The following AKT3 variants were observed in gnomAD, a reference collection of about 807,000 sequenced individuals.
AKT3 encodes the protein AKT serine/threonine kinase 3.
A neutral mutation model predicts 65.3 loss-of-function variants in AKT3; 15 were observed. The observed-to-expected ratio is 0.23, with a 90% CI of 0.15 to 0.35. The LOEUF is 0.35. Ranked by LOEUF, AKT3 falls within the 10% of genes least tolerant of loss-of-function variation. AKT3 has a pLI of 1.00. For missense variants in AKT3, 243 were observed against 576.5 expected (o/e 0.42, Z 5.92); for synonymous variants, 206 against 183.8 (o/e 1.12, Z -0.98).
chr1:243,633,918 G>C (rs1679789621), intron 6 of AKT3, among the ~76,000 whole-genome samples: 1 of 152,052 alleles, frequency 6.6e-6, no homozygotes, highest in South Asian at 2.1e-4. Flanking sequence ...AAAAGTGAAA[G>C]AGAAAAAATT....
intron 5 of AKT3, among the ~76,000 whole-genome samples, chr1:243,639,327 A>T (rs2147818116): frequency 6.6e-6 from 1 of 152,330 alleles, no homozygotes; most frequent in South Asian, 2.1e-4. Flanking sequence ...CACCAATTTT[A>T]TACAAATTCT....
chr1:243,731,196 A>G (rs1169475451), intron 2 of AKT3, among the ~76,000 whole-genome samples: 1 of 152,230 alleles, frequency 6.6e-6, no homozygotes, highest in Non-Finnish European at 1.5e-5. Context: ...CCACATGCCA[A>G]AATGAAAGCA....
rs143112426 is a variant in AKT3, at chr1:243,516,020, C to A, written c.1252-3594G>T. 2.8e-3 allele frequency among the ~76,000 whole-genome samples: 421 copies of A among 152,150 alleles called. 5 individuals are homozygous for A. The highest frequency in any genetic ancestry group is 9.5e-3 in the African/African-American group (393 of 41,502). On this transcript the variant is annotated intron_variant, in intron 12 of 13. Coordinates refer to ENST00000673466, the MANE Select transcript of AKT3 (RefSeq NM_005465.7). ...CTTGCATATTGATATCAAGTTAATACCTGCCTCACAGAATGAACTGAGAAA... is the reference window on the plus strand; with the variant it reads ...CTTGCATATTGATATCAAGTTAATAACTGCCTCACAGAATGAACTGAGAAA...
At chr1:243,850,005 G>T (rs1048993645) in intron 1 of AKT3, 35 bp downstream of exon 1, 1 of 984,034 alleles carries the variant, frequency 1.0e-6, no homozygotes, top group Non-Finnish European at 1.2e-6. Flanking sequence ...AGGCCAGGCG[G>T]GGAGGGGGCT....
intron 6 of AKT3, among the ~76,000 whole-genome samples, chr1:243,627,849 T>C (rs1004938054): frequency 1.3e-5 from 2 of 152,170 alleles, no homozygotes; most frequent in Non-Finnish European, 2.9e-5. Flanking sequence ...TGGGGACTAG[T>C]GCTAAATCCA....
At chr1:243,791,337 A>G (rs1691618203) in intron 2 of AKT3, among the ~76,000 whole-genome samples, 1 of 151,718 alleles carries the variant, frequency 6.6e-6, no homozygotes, top group African/African-American at 2.4e-5. Flanking sequence ...AGAACCACAG[A>G]TGCAGAACCC....
intron 2 of AKT3, among the ~76,000 whole-genome samples, chr1:243,820,055 A>G (rs577009603): frequency 6.6e-6 from 1 of 152,290 alleles, no homozygotes; most frequent in South Asian, 2.1e-4. Flanking sequence ...AGTAGCTGGG[A>G]CTACAGGCGC....
intron 2 of AKT3, among the ~76,000 whole-genome samples, chr1:243,726,513 T>C (rs1411502844): frequency 6.6e-6 from 1 of 152,240 alleles, no homozygotes; most frequent in Non-Finnish European, 1.5e-5. Flanking sequence ...TTTCTATAAC[T>C]TACAACAGGT....
At chr1:243,495,715 G>A (rs532863409), downstream of AKT3, among the ~76,000 whole-genome samples, 15 of 152,316 alleles carry the variant, frequency 9.8e-5, no homozygotes, top group East Asian at 7.7e-4. Context: ...GGTCCTGCTC[G>A]AAGGCCGCGT....
In AKT3 at chr1:243,502,427, G is replaced by A. The variant is rs1219071394; in HGVS notation, c.*2822C>T. 1 of 233,032 alleles carries A rather than the reference G, an allele frequency of 4.3e-6. No individual in the cohort carries two copies. The highest frequency in any genetic ancestry group is 8.5e-6 in the Non-Finnish European group (1 of 117,974). 14.4% of individuals were successfully genotyped at this position (233,032 alleles called of 1,614,324 possible). Reference sequence around the variant, plus strand: ...CCCTGCCAACCATCTAAGCAGAAATGGCCAATTTCCTCCAAGATGGCTGCA... The same window carrying A: ...CCCTGCCAACCATCTAAGCAGAAATAGCCAATTTCCTCCAAGATGGCTGCA... On this transcript the variant is annotated 3_prime_UTR_variant, in exon 14 of 14. Coordinates refer to ENST00000673466, the MANE Select transcript of AKT3 (RefSeq NM_005465.7).
chr1:243,656,776 TGTGA>T (rs1476596881), intron 4 of AKT3, among the ~76,000 whole-genome samples: 1 of 152,118 alleles, frequency 6.6e-6, no homozygotes, highest in Non-Finnish European at 1.5e-5. Context: ...TGTATGTGAG[TGTGA>T]GTGTCGTGGC....
intron 3 of AKT3, among the ~76,000 whole-genome samples, chr1:243,678,754 C>T (rs1438381385): frequency 7.2e-5 from 11 of 152,122 alleles, no homozygotes; most frequent in Admixed American, 6.5e-4. Flanking sequence ...AAATTCATGT[C>T]TCTTTTTGTA....
At chr1:243,819,901 C>T (rs1299396571) in intron 2 of AKT3, among the ~76,000 whole-genome samples, 1 of 152,070 alleles carries the variant, frequency 6.6e-6, no homozygotes. Context: ...CTGCAGCAGC[C>T]CTACGGGAGA....
intron 13 of AKT3, among the ~76,000 whole-genome samples, chr1:243,490,135 C>G (rs1666035372): frequency 6.6e-6 from 1 of 152,224 alleles, no homozygotes; most frequent in East Asian, 1.9e-4. Flanking sequence ...TCTCATTCTC[C>G]TCACAAAATG....
Position 243,528,843 on chromosome 1 carries a change from A to C in AKT3, c.1252-16417T>G, listed in dbSNP as rs1283941785. Among the ~76,000 whole-genome samples the C allele has an allele frequency of 3.3e-5, 5 of 152,360 alleles. No homozygotes were observed. In the East Asian group the frequency reaches 9.6e-4, roughly 29 times the overall value. On this transcript the variant is annotated intron_variant, in intron 12 of 13. Transcript: ENST00000673466. Reference sequence around the variant, plus strand: ...ATTCCAATAATGGGACTGCTGAGTCAAATGGTAATTCTGCTTTGAGTTGAG... The same window carrying C: ...ATTCCAATAATGGGACTGCTGAGTCCAATGGTAATTCTGCTTTGAGTTGAG...
intron 2 of AKT3, among the ~76,000 whole-genome samples, chr1:243,697,513 A>T (rs1326483551): frequency 6.6e-6 from 1 of 152,078 alleles, no homozygotes; most frequent in Admixed American, 6.5e-5. Context: ...GAAACTTTTA[A>T]CAATGAACTT....
chr1:243,838,527 AG>A (rs565218075), intron 2 of AKT3, among the ~76,000 whole-genome samples: 320 of 152,332 alleles, frequency 2.1e-3, no homozygotes, highest in Non-Finnish European at 3.7e-3. Flanking sequence ...ATAAAGGAGA[AG>A]AAAAGACCCC....
At position 243,699,636 on chromosome 1, in the gene AKT3, C is replaced by T. The variant is rs534158343; in HGVS notation, c.47-3920G>A. Among the ~76,000 whole-genome samples, 10 of 151,560 alleles carry T rather than the reference C, an allele frequency of 6.6e-5. No homozygotes were observed. The East Asian group carries it at 1.9e-3, about 29-fold the overall frequency. On this transcript the variant is annotated intron_variant, in intron 2 of 13. Coordinates refer to ENST00000673466, the MANE Select transcript of AKT3 (RefSeq NM_005465.7). ...CCCAGCAAGGATTCTGGTATACTGG[C>T]TTCTGGTAGTGAGGTGAGTGGTGGA...
At chr1:243,569,629 T>C (rs1029734202) in intron 9 of AKT3, among the ~76,000 whole-genome samples, 1 of 152,190 alleles carries the variant, frequency 6.6e-6, no homozygotes, top group Non-Finnish European at 1.5e-5. Flanking sequence ...CTAAATTTAT[T>C]TGGTGCTTTC....
Sources: gnomAD v4.1 joint callset for allele counts (sites outside exome capture counted in the v4.1 genomes callset) on GRCh38, gnomAD v4.1.1 for gene constraint, MANE v1.5 for transcripts, NCBI Gene and HGNC (gene_info 2026-07-23, HGNC 2026-07-21) for gene names.